Variants in NOC4L observed in about 807,000 individuals in gnomAD.
The protein encoded by NOC4L is nucleolar complex associated 4 homolog, also known as nucleolar complex protein 4 homolog.
NOC4L carries 40 observed loss-of-function variants against 62.8 expected under a neutral mutation model. That is an observed-to-expected ratio of 0.64 (90% CI 0.49 to 0.83). The LOEUF (loss-of-function observed/expected upper bound fraction) is 0.83. NOC4L is among the 40% of genes least tolerant of loss of function. NOC4L has a pLI of 0.00. For synonymous variants in NOC4L, 433 were observed against 299.8 expected, an observed-to-expected ratio of 1.44 and a Z score of -4.59; for missense variants, 927 against 701.9, an observed-to-expected ratio of 1.32 and a Z score of -3.62.
At chr12:132,147,150 A>ATCTCGGTGGTCGCC in intron 3 of NOC4L, 131 bp from the exon 4 acceptor site, 4 of 586,254 alleles carry the variant, frequency 6.8e-6, no homozygotes, top group African/African-American at 1.9e-5. Flanking sequence ...TGGCGTGTGG[A>ATCTCGGTGGTCGCC]GCAAGAGAAG....
rs143776149 is a variant in NOC4L, at chr12:132,152,143, C to T, written c.1377C>T (p.Ala459=). Residue 459 remains alanine, a synonymous_variant, in exon 14 of 15, where the codon GCC becomes GCT. Transcript: ENST00000330579. The part of the protein sequence containing the change: ...VSKAASVINQ[A]LSMPEVSIAP... ...AAGCCGCCAGCGTCATCAACCAGGC[C>T]CTGTCCATGCCTGAGGTCAGCATCG... The T allele has an allele frequency of 9.6e-5, 154 of 1,612,442 alleles. No individual in the cohort carries two copies. The African/African-American group carries it at 1.8e-3, about 19-fold the overall frequency.
At chr12:132,147,152 C>CCGTATCATTAAAA in intron 3 of NOC4L, 129 bp from the exon 4 acceptor site, 2 of 599,950 alleles carry the variant, frequency 3.3e-6, no homozygotes, top group East Asian at 3.2e-5. Flanking sequence ...GCGTGTGGAG[C>CCGTATCATTAAAA]AAGAGAAGGC....
chr12:132,147,240 G>A (rs189528959), intron 3 of NOC4L, 41 bp from the exon 4 acceptor site: 4 of 1,403,838 alleles, frequency 2.8e-6, no homozygotes, highest in South Asian at 1.4e-5. Flanking sequence ...CCATCCGTGG[G>A]GTGAGGGCAT....
chr12:132,151,247 C>A lies in NOC4L; in HGVS notation c.963-11C>A, dbSNP rs1194682278. ...CTGCTCCATCCGCTGCTCCTTCCCC[C>A]CGGCCCGCAGGGAGTACCCTGACTT... On this transcript the variant is annotated splice_polypyrimidine_tract_variant and intron_variant, in intron 10 of 14. Coordinates refer to ENST00000330579, the MANE Select transcript of NOC4L (RefSeq NM_024078.3). 1 of 1,606,582 alleles carries A rather than the reference C, an allele frequency of 6.2e-7. No individual in the cohort carries two copies. Among genetic ancestry groups the A allele is most frequent in the Admixed American group, 1.7e-5 (1 of 60,016 alleles).
chr12:132,148,035 G>A, intron 6 of NOC4L, 37 bp from the exon 7 acceptor site: 5 of 1,613,414 alleles, frequency 3.1e-6, no homozygotes, highest in South Asian at 1.1e-5. Flanking sequence ...TGCCTCCCCT[G>A]CGGGTCAGGT....
rs752722492 is a variant in NOC4L at position 132,152,384 on chromosome 12, C to T, written c.1534C>T (p.His512Tyr). Reference sequence around the variant, plus strand: ...ACGGCCGGGTGAACTCTGTGCCCAGCACTTCACGCTCAGCTGACCCTGGCC... The same window carrying T: ...ACGGCCGGGTGAACTCTGTGCCCAGTACTTCACGCTCAGCTGACCCTGGCC... The part of the protein sequence containing the change: ...LGRPGELCAQ[H>Y]FTLS Residue 512 changes from histidine (H) to tyrosine (Y), a missense_variant, in exon 15 of 15, where the codon CAC becomes TAC. Transcript: ENST00000330579. 1 of 1,580,492 alleles carries T rather than the reference C, an allele frequency of 6.3e-7. No homozygotes were observed.
In NOC4L at chr12:132,148,583, C is replaced by G. The variant is rs376237369; in HGVS notation, c.739-26C>G. ...CTCTGGTCTGGGGTGGGGAGGGCGG[C>G]GAGTGCAGTCTGGACCCCGTTGCAG... is the stretch of plus-strand genomic sequence containing the variant. On this transcript the variant is annotated intron_variant, in intron 7 of 14. Transcript: ENST00000330579. 15 of 1,546,082 alleles carry G rather than the reference C, an allele frequency of 9.7e-6. No homozygotes were observed. In the East Asian group the frequency reaches 3.4e-4, roughly 36 times the overall value.
chr12:132,151,644 G>A lies in NOC4L; in HGVS notation c.1234G>A (p.Glu412Lys). The change falls in exon 12 of 15, where the codon GAG (glutamate) becomes AAG (lysine). Residue 412 changes from glutamate to lysine, a missense_variant and splice_region_variant. Coordinates refer to ENST00000330579, the MANE Select transcript of NOC4L (RefSeq NM_024078.3). ...RVLVHRPHGP[E>K]LDADPYDPGE... ...CCTCGTGCACCGTCCACACGGCCCT[G>A]GTGAGTTGCGGGGCCCTCGGAGGCT... is the stretch of plus-strand genomic sequence containing the variant. 1 of 1,611,656 alleles carries A rather than the reference G, an allele frequency of 6.2e-7. No homozygotes were observed. Among genetic ancestry groups the A allele is most frequent in the Non-Finnish European group, 8.5e-7 (1 of 1,179,426 alleles).
At chr12:132,146,439 A>C (rs1035331429) in intron 3 of NOC4L, 1 of 439,446 alleles carries the variant, frequency 2.3e-6, no homozygotes, top group African/African-American at 2.0e-5. Flanking sequence ...TTCGCGTACA[A>C]ACTCTTGTGT....
chr12:132,152,076 T>C lies in NOC4L; in HGVS notation c.1318-8T>C, dbSNP rs1349902573. On this transcript the variant is annotated splice_polypyrimidine_tract_variant and splice_region_variant and intron_variant, in intron 13 of 14. Coordinates refer to ENST00000330579, the MANE Select transcript of NOC4L (RefSeq NM_024078.3). ...GGCAGCTGCCTCTTAACGGCCCTAC[T>C]GCCCCAGGCCCTCCAGCGCCACTAC... 6.6e-7 allele frequency: 1 copy of C among 1,525,186 alleles called. No individual in the cohort carries two copies. The highest frequency in any genetic ancestry group is 8.9e-7 in the Non-Finnish European group (1 of 1,126,382). The allele number at this position is 1,525,186 out of a possible 1,614,324, so 94.5% of individuals were successfully genotyped here. A position where few individuals can be genotyped will look rare whatever the true frequency, so the allele number is the denominator to read the frequency against.
Position 132,148,599 on chromosome 12 carries a change from C to T in NOC4L, c.739-10C>T. The T allele has an allele frequency of 6.5e-7, 1 of 1,549,710 alleles. No homozygotes were observed. Among genetic ancestry groups the T allele is most frequent in the Non-Finnish European group, 8.7e-7 (1 of 1,146,350 alleles). ...GGAGGGCGGCGAGTGCAGTCTGGAC[C>T]CCGTTGCAGGAGCACAGGAGGGTTT... On this transcript the variant is annotated splice_polypyrimidine_tract_variant and intron_variant, in intron 7 of 14. Coordinates refer to ENST00000330579, the MANE Select transcript of NOC4L (RefSeq NM_024078.3).
At chr12:132,146,202 GTGGTTACTTCCTGGATCAA>G (rs1294079773) in intron 3 of NOC4L, 1 of 453,928 alleles carries the variant, frequency 2.2e-6, no homozygotes, top group Non-Finnish European at 4.4e-6. Flanking sequence ...TCCTGGATCA[GTGGTTACTTCCTGGATCAA>G]TGGGTTTGCT....
chr12:132,151,124 G>C (rs1398073778), intron 10 of NOC4L, 83 bp downstream of exon 10: 8 of 1,459,844 alleles, frequency 5.5e-6, no homozygotes, highest in African/African-American at 2.8e-5. Flanking sequence ...GCCCCACGGG[G>C]TCCCCGCTTT....
Position 132,151,052 on chromosome 12 carries a change from C to G in NOC4L, c.962+11C>G. The G allele has an allele frequency of 6.2e-7, 1 of 1,607,758 alleles. No homozygotes were observed. Among genetic ancestry groups the G allele is most frequent in the Non-Finnish European group, 8.5e-7 (1 of 1,176,632 alleles). On this transcript the variant is annotated intron_variant, in intron 10 of 14. Coordinates refer to ENST00000330579, the MANE Select transcript of NOC4L (RefSeq NM_024078.3). ...TCACAAACACAACCTGTGAGTGTCACCAGGGGTGCAGGTCTTCTTCCCAGT... is the reference window on the plus strand; with the variant it reads ...TCACAAACACAACCTGTGAGTGTCAGCAGGGGTGCAGGTCTTCTTCCCAGT...
chr12:132,145,452 C>G (rs1450481893), intron 2 of NOC4L, 107 bp from the exon 3 acceptor site: 1 of 702,006 alleles, frequency 1.4e-6, no homozygotes, highest in Non-Finnish European at 2.4e-6. Context: ...CCTGCGGAGG[C>G]TGAGTAGAAG....
Position 132,152,131 on chromosome 12 carries a change from C to G in NOC4L, c.1365C>G (p.Val455=), listed in dbSNP as rs368487190. The change falls in exon 14 of 15, where the codon GTC becomes GTG. Residue 455 remains valine, a synonymous_variant. Transcript: ENST00000330579. ...YHPEVSKAAS[V]INQALSMPEV... ...CTGAGGTGTCCAAAGCCGCCAGCGT[C>G]ATCAACCAGGCCCTGTCCATGCCTG... The G allele has an allele frequency of 2.5e-6, 4 of 1,612,360 alleles. No homozygotes were observed. In the African/African-American group the frequency reaches 5.3e-5, roughly 22 times the overall value.
chr12:132,151,040 C>T lies in NOC4L; in HGVS notation c.961C>T (p.Leu321=), dbSNP rs772166478. 2 of 1,609,960 alleles carry T rather than the reference C, an allele frequency of 1.2e-6. No homozygotes were observed. The highest frequency in any genetic ancestry group is 1.1e-5 in the South Asian group (1 of 90,700). Residue 321 remains leucine, a splice_region_variant and synonymous_variant, in exon 10 of 15, where the codon CTG becomes TTG. Transcript: ENST00000330579. ...GTTCATCTTGATTCACAAACACAAC[C>T]TGTGAGTGTCACCAGGGGTGCAGGT... ...GLFILIHKHN[L]EYPDFYRKLY...
chr12:132,151,141 A>G, intron 10 of NOC4L, 100 bp downstream of exon 10: 1 of 1,420,742 alleles, frequency 7.0e-7, no homozygotes. Context: ...CTTTCCTCAC[A>G]GGCCATGGTG....
At position 132,148,067 on chromosome 12, in the gene NOC4L, T is replaced by C. The variant is rs1488368678; in HGVS notation, c.704-5T>C. On this transcript the variant is annotated splice_region_variant and splice_polypyrimidine_tract_variant and intron_variant, in intron 6 of 14. Transcript: ENST00000330579. The stretch of plus-strand genomic sequence containing the variant: ...AGGTGACCTTTGCCCTCGCTTTCCC[T>C]GCAGAGCTGTGGGACACCTGGAAGG... The C allele has an allele frequency of 1.9e-6, 3 of 1,613,374 alleles. No homozygotes were observed. Among genetic ancestry groups the C allele is most frequent in the Non-Finnish European group, 1.7e-6 (2 of 1,179,974 alleles).
Sources: gnomAD v4.1 joint callset for allele counts on GRCh38, gnomAD v4.1.1 for gene constraint, MANE v1.5 for transcripts, NCBI Gene and HGNC (gene_info 2026-07-23, HGNC 2026-07-21) for gene names.